Variants in BBS12 observed in about 807,000 individuals in gnomAD.
BBS12 encodes Bardet-Biedl syndrome 12, also known as chaperonin-containing T-complex member BBS12.
A neutral mutation model predicts 5.6 loss-of-function variants in BBS12; 5 were observed. The ratio of observed to expected loss-of-function variants is 0.89; its 90% confidence interval spans 0.46 to 1.86. BBS12 has a LOEUF of 1.86. Ranked by LOEUF, BBS12 falls within the 40% of genes most tolerant of loss-of-function variation. The probability of loss-of-function intolerance (pLI) is 0.01; values close to 1 mark genes in which losing one functional copy is unlikely to be tolerated. For synonymous variants in BBS12, 308 were observed against 306.8 expected (o/e 1.00, Z -0.04); for missense variants, 748 against 830.4 (o/e 0.90, Z 1.22).
rs756940635 is a variant in BBS12, at chr4:122,736,961, AAT to A, written c.-11+4080_-11+4081del. On this transcript the variant is annotated intron_variant, in intron 1 of 1. Coordinates refer to ENST00000314218, the MANE Select transcript of BBS12 (RefSeq NM_152618.3). The stretch of plus-strand genomic sequence containing the variant: ...CAAATGCCAAAGCAGATTTGTCTTG[AAT>A]ATTGATTTTGATATCAGTTTTATGT... Among the ~76,000 whole-genome samples the A allele has an allele frequency of 3.9e-5, 6 of 152,330 alleles. No homozygotes were observed. In the East Asian group the frequency reaches 5.8e-4, roughly 15 times the overall value.
At chr4:122,727,026 C>G in the BBS12 span, among the ~76,000 whole-genome samples, 1 of 152,056 alleles carries the variant, frequency 6.6e-6, no homozygotes, top group East Asian at 1.9e-4. Context: ...GATGGGTGCA[C>G]CAAAATCTCA....
the BBS12 span, among the ~76,000 whole-genome samples, chr4:122,713,096 A>C: frequency 6.6e-6 from 1 of 152,176 alleles, no homozygotes; most frequent in African/African-American, 2.4e-5. Flanking sequence ...ATGTGTTTAT[A>C]CATTTCACTT....
At chr4:122,702,287 C>T in the BBS12 span, among the ~76,000 whole-genome samples, 3 of 152,152 alleles carry the variant, frequency 2.0e-5, no homozygotes, top group Non-Finnish European at 4.4e-5. Flanking sequence ...GTTATCCAGA[C>T]TGGAGACCAG....
the BBS12 span, among the ~76,000 whole-genome samples, chr4:122,702,218 C>G: frequency 2.6e-5 from 4 of 152,238 alleles, no homozygotes; most frequent in Non-Finnish European, 4.4e-5. Context: ...GCTGGAACTA[C>G]AGGCACATGC....
In BBS12 at chr4:122,741,910, A is replaced by G. The variant is rs373705066; in HGVS notation, c.18A>G (p.Arg6=). The change falls in exon 2 of 2, where the codon AGA becomes AGG. Residue 6 remains arginine, a synonymous_variant. Coordinates refer to ENST00000314218, the MANE Select transcript of BBS12 (RefSeq NM_152618.3). ...CATGATACATGGTGATGGCTTGCAG[A>G]GTCGTAAACAAAAGAAGACACATGG... is the stretch of plus-strand genomic sequence containing the variant. The part of the protein sequence containing the change: MVMAC[R]VVNKRRHMGL... 17 of 1,614,146 alleles carry G rather than the reference A, an allele frequency of 1.1e-5. No individual in the cohort carries two copies. Among genetic ancestry groups the G allele is most frequent in the Non-Finnish European group, 1.2e-5 (14 of 1,180,014 alleles).
At chr4:122,718,584 T>C in the BBS12 span, among the ~76,000 whole-genome samples, 1 of 152,048 alleles carries the variant, frequency 6.6e-6, no homozygotes, top group Non-Finnish European at 1.5e-5. Context: ...CATTTCCAAA[T>C]TCATAAAATA....
the BBS12 span, among the ~76,000 whole-genome samples, chr4:122,702,432 G>A: frequency 4.4e-3 from 666 of 152,334 alleles, 2 homozygotes; most frequent in African/African-American, 0.015. Flanking sequence ...TTCTTAATTT[G>A]TCAGTCTCTA....
chr4:122,733,539 C>T (rs1047167259), intron 1 of BBS12, among the ~76,000 whole-genome samples: 23 of 152,224 alleles, frequency 1.5e-4, no homozygotes, highest in Admixed American at 7.2e-4. Context: ...GATTCAGTAA[C>T]GGCCTAGATT....
the BBS12 span, among the ~76,000 whole-genome samples, chr4:122,708,478 G>C: frequency 1.3e-5 from 2 of 151,984 alleles, no homozygotes; most frequent in African/African-American, 4.8e-5. Context: ...GGAGGAGATG[G>C]GGATAACACC....
In BBS12 at chr4:122,742,067, A is replaced by C; in HGVS notation, c.175A>C (p.Ser59Arg). Residue 59 changes from serine to arginine, a missense_variant, in exon 2 of 2, where the codon AGT becomes CGT. Transcript: ENST00000314218. The stretch of plus-strand genomic sequence containing the variant: ...CAGTTCAACAGTAAGGCTTCTTGAA[A>C]GTTTGGATTTAACCAGTGCAGTGGG... ...LISSTVRLLE[S>R]LDLTSAVGQL... 1 of 1,614,174 alleles carries C rather than the reference A, an allele frequency of 6.2e-7. No individual in the cohort carries two copies. The highest frequency in any genetic ancestry group is 8.5e-7 in the Non-Finnish European group (1 of 1,180,014).
the BBS12 span, among the ~76,000 whole-genome samples, chr4:122,719,635 G>A: frequency 1.3e-5 from 2 of 152,080 alleles, no homozygotes; most frequent in South Asian, 2.1e-4. Flanking sequence ...TGAAGTCAGC[G>A]AGACCATGAA....
chr4:122,732,613 A>T (rs976603651), upstream of BBS12: 3 of 152,312 alleles, frequency 2.0e-5, no homozygotes, highest in Non-Finnish European at 2.9e-5. Context: ...AGGCCTTTAA[A>T]CCAGCCCTTT....
chr4:122,716,673 GTATATATACACATATGTGTA>G, the BBS12 span, among the ~76,000 whole-genome samples: 19,141 of 94,416 alleles, frequency 0.2, 2,628 homozygotes, highest in East Asian at 0.51. Flanking sequence ...ACACATATGT[GTATATATACACATATGTGTA>G]TGTGTGTGTA....
upstream of BBS12, among the ~76,000 whole-genome samples, chr4:122,728,231 C>T (rs900347305): frequency 1.3e-5 from 2 of 152,004 alleles, no homozygotes; most frequent in African/African-American, 4.8e-5. Flanking sequence ...TTAAGCAAAA[C>T]GTTGGAAACT....
the BBS12 span, among the ~76,000 whole-genome samples, chr4:122,718,712 GTGAAATGAAATGAAATGAAATGAAA>G: frequency 6.8e-6 from 1 of 146,200 alleles, no homozygotes; most frequent in Non-Finnish European, 1.5e-5. Context: ...GGGATTCGAT[GTGAAATGAAATGAAATGAAATGAAA>G]TGAAATGAAA....
the BBS12 span, among the ~76,000 whole-genome samples, chr4:122,710,617 G>A: frequency 1.3e-5 from 2 of 152,142 alleles, no homozygotes; most frequent in Non-Finnish European, 1.5e-5. Context: ...GAAAGAAGAC[G>A]GAGCAGGGGA....
At chr4:122,706,996 AACTT>A in the BBS12 span, among the ~76,000 whole-genome samples, 3 of 149,706 alleles carry the variant, frequency 2.0e-5, no homozygotes, top group Non-Finnish European at 4.4e-5. Context: ...CAATTTTACT[AACTT>A]TTTTCCTCAG....
intron 1 of BBS12, among the ~76,000 whole-genome samples, chr4:122,738,998 C>A (rs1560704965): frequency 1.3e-5 from 2 of 151,982 alleles, no homozygotes; most frequent in African/African-American, 2.4e-5. Flanking sequence ...TAAGGTGGGC[C>A]CTAAATCCAA....
chr4:122,731,663 T>A (rs573687969), upstream of BBS12: 7 of 152,348 alleles, frequency 4.6e-5, no homozygotes, highest in East Asian at 1.3e-3. Flanking sequence ...TTGGTTCAAA[T>A]CCTAAGGCCC....
Sources: allele counts gnomAD v4.1 joint callset (sites outside exome capture counted in the v4.1 genomes callset), GRCh38; gene constraint gnomAD v4.1.1; transcripts MANE v1.5; gene names NCBI Gene and HGNC (gene_info 2026-07-23, HGNC 2026-07-21).